MBP: variants seen among roughly 807,000 people sequenced by gnomAD.
The protein encoded by MBP is Golli-MBP.
MBP carries 16 observed loss-of-function variants against 35.8 expected under a neutral mutation model. That is an observed-to-expected ratio of 0.45 (90% CI 0.30 to 0.68). The LOEUF is 0.68. Among genes scored for constraint, MBP ranks in the 30% least tolerant of loss-of-function variants. The pLI, the probability that MBP is intolerant of heterozygous loss-of-function variation, is 0.08. For missense variants in MBP, 380 were observed against 404.7 expected (o/e 0.94, Z 0.52); for synonymous variants, 143 against 159.6 (o/e 0.90, Z 0.78).
chr18:77,130,073 G>A (rs186890990), intron 1 of MBP, among the ~76,000 whole-genome samples: 2 of 151,658 alleles, frequency 1.3e-5, no homozygotes, highest in Admixed American at 1.3e-4. Flanking sequence ...AAAAGAAAAG[G>A]AGTAATTAGA....
At chr18:77,073,827 G>T (rs563171450) in intron 2 of MBP, among the ~76,000 whole-genome samples, 1 of 152,338 alleles carries the variant, frequency 6.6e-6, no homozygotes, top group Admixed American at 6.5e-5. Context: ...CTCGATGGGT[G>T]TATTCTCTTG....
intron 3 of MBP, among the ~76,000 whole-genome samples, chr18:77,032,021 G>A (rs1433473567): frequency 6.6e-6 from 1 of 152,234 alleles, no homozygotes; most frequent in Non-Finnish European, 1.5e-5. Context: ...GTGGAGGTGA[G>A]GAGAGCTTGG....
intron 1 of MBP, chr18:77,109,173 C>T (rs544969114): frequency 1.3e-5 from 2 of 152,328 alleles, no homozygotes; most frequent in African/African-American, 4.8e-5. Flanking sequence ...ACATCGCTAC[C>T]TACTTACTAT....
rs181106080 is a variant in MBP at position 77,050,825 on chromosome 18, C to T, written c.139+15473G>A. ...ACTCCCAAAGTGCTGGGATTACAGG[C>T]GTGAGCCACCACACCCCACCCTATT... On this transcript the variant is annotated intron_variant, in intron 3 of 8. Coordinates refer to ENST00000355994, the MANE Select transcript of MBP (RefSeq NM_001025101.2). Among the ~76,000 whole-genome samples the T allele has an allele frequency of 8.9e-4, 135 of 152,304 alleles. No homozygotes were observed. In the Middle Eastern group the frequency reaches 0.01, roughly 12 times the overall value.
intron 3 of MBP, among the ~76,000 whole-genome samples, chr18:77,037,665 T>TC (rs1189353531): frequency 2.6e-5 from 4 of 152,342 alleles, no homozygotes; most frequent in Admixed American, 1.3e-4. Flanking sequence ...TTACCAGCCT[T>TC]CGCCTTTTCT....
At chr18:77,064,730 G>A (rs1421254310) in intron 3 of MBP, among the ~76,000 whole-genome samples, 1 of 152,184 alleles carries the variant, frequency 6.6e-6, no homozygotes, top group Non-Finnish European at 1.5e-5. Context: ...CCATAAATAA[G>A]CAAAGATCAT....
chr18:77,020,190 G>A lies in MBP; in HGVS notation c.140-2922C>T, dbSNP rs1971936010. 6.6e-6 allele frequency among the ~76,000 whole-genome samples: 1 copy of A among 152,114 alleles called. No individual in the cohort carries two copies. The highest frequency in any genetic ancestry group is 1.5e-5 in the Non-Finnish European group (1 of 68,032). ...TGGCTTCCATCCTGAGCAATTGGGA[G>A]AGGGACAGGGACTGGGAGTCTGGCT... On this transcript the variant is annotated intron_variant, in intron 3 of 8. Transcript: ENST00000355994. This position sits in a 1 kb window ranked among gnomAD's most constrained non-coding sequence, Gnocchi z 4.1.
chr18:77,062,794 CCAAT>C (rs1193035747), intron 3 of MBP, among the ~76,000 whole-genome samples: 2 of 152,196 alleles, frequency 1.3e-5, no homozygotes, highest in Non-Finnish European at 2.9e-5. Flanking sequence ...TCTCAATGCG[CCAAT>C]CAGTCTTAAC....
At chr18:77,002,326 C>T (rs192361655) in intron 4 of MBP, among the ~76,000 whole-genome samples, 24 of 152,204 alleles carry the variant, frequency 1.6e-4, no homozygotes, top group African/African-American at 4.8e-4. Flanking sequence ...TTCCCTTTGT[C>T]GTGTGGTCCA....
chr18:77,112,159 C>A (rs1477753567), intron 1 of MBP, among the ~76,000 whole-genome samples: 1 of 76,672 alleles, frequency 1.3e-5, no homozygotes, highest in Admixed American at 2.0e-4. Context: ...AGAATGAACA[C>A]CGTGCACACG....
chr18:77,105,187 G>A, intron 2 of MBP, 24 bp downstream of exon 2: 1 of 1,611,242 alleles, frequency 6.2e-7, no homozygotes, highest in Non-Finnish European at 8.5e-7. Context: ...ACATGCACAT[G>A]TTTCGGATCA....
chr18:77,015,360 C>T (rs1971568446), intron 4 of MBP: 1 of 985,368 alleles, frequency 1.0e-6, no homozygotes, highest in African/African-American at 1.7e-5. Context: ...AATAGCAACG[C>T]TTTATTGGGC....
At chr18:77,054,820 C>T (rs897481004) in intron 3 of MBP, among the ~76,000 whole-genome samples, 1 of 152,120 alleles carries the variant, frequency 6.6e-6, no homozygotes, top group Non-Finnish European at 1.5e-5. Flanking sequence ...TCTCAAGTTC[C>T]AGTTCCTGTT....
In MBP at chr18:76,979,977, A is replaced by C. The variant is rs756741675; in HGVS notation, c.*450T>G. 12 of 702,242 alleles carry C rather than the reference A, an allele frequency of 1.7e-5. No individual in the cohort carries two copies. Among genetic ancestry groups the C allele is most frequent in the African/African-American group, 3.5e-5 (2 of 57,202 alleles). 43.5% of individuals were successfully genotyped at this position (702,242 alleles called of 1,614,324 possible). A position where few individuals can be genotyped will look rare whatever the true frequency, so the allele number is the denominator to read the frequency against. ...GAAGGACAGGAAAAAAAAACAAAGGAAGCTTGGATGTCAACAGTCCTCTCT... is the reference window on the plus strand; with the variant it reads ...GAAGGACAGGAAAAAAAAACAAAGGCAGCTTGGATGTCAACAGTCCTCTCT... On this transcript the variant is annotated 3_prime_UTR_variant, in exon 9 of 9. Coordinates refer to ENST00000355994, the MANE Select transcript of MBP (RefSeq NM_001025101.2).
intron 4 of MBP, among the ~76,000 whole-genome samples, chr18:77,007,935 T>G (rs1019356844): frequency 6.6e-6 from 1 of 152,208 alleles, no homozygotes; most frequent in Non-Finnish European, 1.5e-5. Context: ...TAATTTTTTT[T>G]AGAAGAGGAA....
At chr18:77,045,803 C>G (rs1410736610) in intron 3 of MBP, among the ~76,000 whole-genome samples, 1 of 152,202 alleles carries the variant, frequency 6.6e-6, no homozygotes, top group Non-Finnish European at 1.5e-5. Flanking sequence ...AGCATGTAGG[C>G]AGCACAGAAA....
In MBP at chr18:77,033,426, T is replaced by C. The variant is rs28776780; in HGVS notation, c.140-16158A>G. ...TGATGAGCGCTTGCAGTGCATGTCA[T>C]AAAATGTCCTTGGTCTTGGTGCACA... On this transcript the variant is annotated intron_variant, in intron 3 of 8. Transcript: ENST00000355994. 5.4e-3 allele frequency among the ~76,000 whole-genome samples: 826 copies of C among 152,306 alleles called. 12 individuals are homozygous for C. The highest frequency in any genetic ancestry group is 0.019 in the African/African-American group (794 of 41,562).
At position 77,021,659 on chromosome 18, in the gene MBP, A is replaced by T. The variant is rs372816603; in HGVS notation, c.140-4391T>A. 1.9e-3 allele frequency among the ~76,000 whole-genome samples: 290 copies of T among 151,884 alleles called. 1 individual carries two copies. Among genetic ancestry groups the T allele is most frequent in the African/African-American group, 6.7e-3 (277 of 41,384 alleles). The stretch of plus-strand genomic sequence containing the variant: ...CCACTGTGCCCAGCTAATTTTTTGT[A>T]TTTTTAGTAGAGACTGGGTTTCACT... On this transcript the variant is annotated intron_variant, in intron 3 of 8. Coordinates refer to ENST00000355994, the MANE Select transcript of MBP (RefSeq NM_001025101.2).
chr18:77,086,733 T>TA (rs1231309135), intron 2 of MBP, among the ~76,000 whole-genome samples: 1 of 152,170 alleles, frequency 6.6e-6, no homozygotes. Context: ...GAACAAACCA[T>TA]AAAAAACCGA....
Sources: allele counts gnomAD v4.1 joint callset (sites outside exome capture counted in the v4.1 genomes callset), GRCh38; gene constraint gnomAD v4.1.1; non-coding constraint Gnocchi (gnomAD v3.1); transcripts MANE v1.5; gene names NCBI Gene and HGNC (gene_info 2026-07-23, HGNC 2026-07-21).